Variants in IRX4 observed in about 807,000 individuals in gnomAD.
IRX4 encodes the protein iroquois-class homeodomain protein IRX-4.
Under a neutral mutation model 32.0 loss-of-function variants are expected in IRX4, and 22 were observed. That is an observed-to-expected ratio of 0.69 (90% CI 0.49 to 0.98). IRX4 has a LOEUF of 0.98. Ranked by LOEUF, IRX4 falls within the 50% of genes least tolerant of loss-of-function variation. The probability of loss-of-function intolerance (pLI) is 0.00; values close to 1 mark genes in which losing one functional copy is unlikely to be tolerated. For missense variants in IRX4, 840 were observed against 744.2 expected, an observed-to-expected ratio of 1.13 and a Z score of -1.50; for synonymous variants, 379 against 351.7, an observed-to-expected ratio of 1.08 and a Z score of -0.87.
In IRX4 at chr5:1,878,232, T is replaced by C. The variant is rs1327344702; in HGVS notation, c.1297A>G (p.Thr433Ala). The C allele has an allele frequency of 1.2e-6, 2 of 1,605,634 alleles. No individual in the cohort carries two copies. Among genetic ancestry groups the C allele is most frequent in the Non-Finnish European group, 1.7e-6 (2 of 1,177,030 alleles). The change falls in exon 5 of 5, where the codon ACC (threonine) becomes GCC (alanine). Residue 433 changes from threonine to alanine, a missense_variant. By Grantham distance (58) the Thr-to-Ala change is moderately conservative. Coordinates refer to ENST00000231357, the MANE Select transcript of IRX4 (RefSeq NM_016358.3). ...ALDRHQDSPVTSLRNWVDGVF... is the reference protein window; with the variant it reads ...ALDRHQDSPVASLRNWVDGVF... Reference sequence around the variant, plus strand: ...CCGTCCACCCAGTTTCTGAGACTGGTTACCGGGGAGTCCTGGTGCCTGTCC... The same window carrying C: ...CCGTCCACCCAGTTTCTGAGACTGGCTACCGGGGAGTCCTGGTGCCTGTCC...
rs1257719400 is a variant in IRX4, at chr5:1,880,710, G to C, written c.407+15C>G. Reference sequence around the variant, plus strand: ...CCCGTGGGGCTAGTGCTGGTTAGGAGGGGTGGGTCCTCACCTGTCATAGGG... The same window carrying C: ...CCCGTGGGGCTAGTGCTGGTTAGGACGGGTGGGTCCTCACCTGTCATAGGG... On this transcript the variant is annotated intron_variant, in intron 3 of 4. Coordinates refer to ENST00000231357, the MANE Select transcript of IRX4 (RefSeq NM_016358.3). 10 of 1,568,274 alleles carry C rather than the reference G, an allele frequency of 6.4e-6. No individual in the cohort carries two copies. Among genetic ancestry groups the C allele is most frequent in the Admixed American group, 3.3e-5 (2 of 59,936 alleles).
At chr5:1,878,855 C>A (rs1402628143) in intron 4 of IRX4, 63 bp from the exon 5 acceptor site, 1 of 1,538,454 alleles carries the variant, frequency 6.5e-7, no homozygotes, top group Non-Finnish European at 9.0e-7. Flanking sequence ...GACCCCCTGT[C>A]CCCGTCCACC....
chr5:1,880,131 TAGC>T, intron 3 of IRX4: 2 of 1,535,608 alleles, frequency 1.3e-6, no homozygotes, highest in South Asian at 2.4e-5. Flanking sequence ...GATGACCGCC[TAGC>T]CGTTTGATCC....
At chr5:1,880,682 G>A (rs1461645058) in intron 3 of IRX4, 43 bp downstream of exon 3, 3 of 1,335,246 alleles carry the variant, frequency 2.2e-6, no homozygotes, top group South Asian at 1.2e-5. Flanking sequence ...ACAGTGCAGA[G>A]GGCCCGTGGG....
rs934884635 is a variant in IRX4 at position 1,877,832 on chromosome 5, C to T, written c.*137G>A. Reference sequence around the variant, plus strand: ...GGGCTTGTCCATGTTCCCAGGAGTCCAAGTTCAGAAGCCCCCTCTCCGGTG... The same window carrying T: ...GGGCTTGTCCATGTTCCCAGGAGTCTAAGTTCAGAAGCCCCCTCTCCGGTG... On this transcript the variant is annotated 3_prime_UTR_variant, in exon 5 of 5. Coordinates refer to ENST00000231357, the MANE Select transcript of IRX4 (RefSeq NM_016358.3). 30 of 809,878 alleles carry T rather than the reference C, an allele frequency of 3.7e-5. No homozygotes were observed. Among genetic ancestry groups the T allele is most frequent in the Non-Finnish European group, 5.0e-5 (27 of 535,840 alleles). The allele number at this position is 809,878 out of a possible 1,614,324, so 50.2% of individuals were successfully genotyped here.
upstream of IRX4, among the ~76,000 whole-genome samples, chr5:1,883,747 T>C (rs1183229295): frequency 6.6e-6 from 1 of 152,094 alleles, no homozygotes; most frequent in Non-Finnish European, 1.5e-5. Context: ...TCCCCGACTT[T>C]CCTCCCCGAT....
In IRX4 at chr5:1,877,861, T is replaced by A. The variant is rs1356348925; in HGVS notation, c.*108A>T. 2.9e-6 allele frequency: 3 copies of A among 1,045,436 alleles called. No homozygotes were observed. The East Asian group carries it at 8.7e-5, about 30-fold the overall frequency. The allele number at this position is 1,045,436 out of a possible 1,614,324, so 64.8% of individuals were successfully genotyped here. ...TTCAGAAGCCCCCTCTCCGGTGGGT[T>A]GGCGGCTTCGCGGTGGCCGCGCTAG... On this transcript the variant is annotated 3_prime_UTR_variant, in exon 5 of 5. Coordinates refer to ENST00000231357, the MANE Select transcript of IRX4 (RefSeq NM_016358.3).
chr5:1,885,354 G>A (rs1021385356), upstream of IRX4, among the ~76,000 whole-genome samples: 9 of 152,262 alleles, frequency 5.9e-5, no homozygotes, highest in Admixed American at 6.5e-5. Flanking sequence ...GACCACCACC[G>A]CCACCTTCTC....
chr5:1,885,514 G>C (rs2111460121), upstream of IRX4, among the ~76,000 whole-genome samples: 1 of 152,222 alleles, frequency 6.6e-6, no homozygotes, highest in East Asian at 1.9e-4. Flanking sequence ...CTGCCCGCCA[G>C]CAGGCCCCAG....
In IRX4 at chr5:1,879,539, GCCTCCTCCTCGCCCCCCT is replaced by G. The variant is rs767756829; in HGVS notation, c.683_700del (p.Glu228_Glu233del). 27 of 1,613,432 alleles carry G rather than the reference GCCTCCTCCTCGCCCCCCT, an allele frequency of 1.7e-5. No homozygotes were observed. Among genetic ancestry groups the G allele is most frequent in the South Asian group, 2.2e-5 (2 of 91,084 alleles). On this transcript the variant is annotated inframe_deletion, in exon 4 of 5. Coordinates refer to ENST00000231357, the MANE Select transcript of IRX4 (RefSeq NM_016358.3). The stretch of plus-strand genomic sequence containing the variant: ...GGAGCTCTTGAGGGGCTCCTCCCGC[GCCTCCTCCTCGCCCCCCT>G]CCTCCTCCTCGCCCTCCGCGTAGGG...
rs1349059382 is a variant in IRX4 at position 1,882,662 on chromosome 5, G to A, written c.-15C>T. 3 of 1,381,746 alleles carry A rather than the reference G, an allele frequency of 2.2e-6. No homozygotes were observed. Among genetic ancestry groups the A allele is most frequent in the Non-Finnish European group, 2.8e-6 (3 of 1,066,528 alleles). 85.6% of individuals were successfully genotyped at this position (1,381,746 alleles called of 1,614,324 possible). A position where few individuals can be genotyped will look rare whatever the true frequency, so the allele number is the denominator to read the frequency against. ...GGGTAGGACATGGCGGGCGCGGCCCGGGGCGGACGGGCGGGGCCTGCAGGG... is the reference window on the plus strand; with the variant it reads ...GGGTAGGACATGGCGGGCGCGGCCCAGGGCGGACGGGCGGGGCCTGCAGGG... On this transcript the variant is annotated 5_prime_UTR_variant, in exon 1 of 5. Coordinates refer to ENST00000231357, the MANE Select transcript of IRX4 (RefSeq NM_016358.3).
chr5:1,886,860 A>G (rs376446807), upstream of IRX4: 3 of 151,522 alleles, frequency 2.0e-5, no homozygotes, highest in Non-Finnish European at 4.4e-5. Context: ...CCCACTCCCT[A>G]CCTGAGCTGG....
upstream of IRX4, among the ~76,000 whole-genome samples, chr5:1,886,440 C>G (rs1435185076): frequency 6.6e-6 from 1 of 152,244 alleles, no homozygotes; most frequent in Non-Finnish European, 1.5e-5. Flanking sequence ...AGAGGCCTCA[C>G]GGTCGCTGAC....
rs529979691 is a variant in IRX4 at position 1,878,735 on chromosome 5, G to A, written c.794C>T (p.Pro265Leu). 8.1e-6 allele frequency: 13 copies of A among 1,613,040 alleles called. No individual in the cohort carries two copies. The highest frequency in any genetic ancestry group is 7.7e-5 in the South Asian group (7 of 91,078). Residue 265 changes from proline to leucine, a missense_variant, in exon 5 of 5, where the codon CCG becomes CTG. Around this residue, in one of 3 missense-constraint regions of IRX4, gnomAD observed 585 missense variants for 488.0 expected, o/e 1.20. Coordinates refer to ENST00000231357, the MANE Select transcript of IRX4 (RefSeq NM_016358.3). Reference sequence around the variant, plus strand: ...GCACGCCGGCGGCTCTGCTTCCAGCGGGTCGAAGTCGTCCAAGTCACTAAG... The same window carrying A: ...GCACGCCGGCGGCTCTGCTTCCAGCAGGTCGAAGTCGTCCAAGTCACTAAG... ...LELSDLDDFD[P>L]LEAEPPACEL...
chr5:1,885,061 G>A (rs116333777), upstream of IRX4, among the ~76,000 whole-genome samples: 2,483 of 152,270 alleles, frequency 0.016, 71 homozygotes, highest in African/African-American at 0.055. Context: ...ACCTATACTC[G>A]GGGACCTGGC....
chr5:1,882,163 C>T, intron 1 of IRX4, 104 bp from the exon 2 acceptor site: 1 of 1,355,802 alleles, frequency 7.4e-7, no homozygotes, highest in Non-Finnish European at 9.8e-7. Context: ...CCCCGAGTAC[C>T]CCCGGGCCTC....
At chr5:1,879,307 G>A (rs951140322) in intron 4 of IRX4, among the ~76,000 whole-genome samples, 197 bp downstream of exon 4, 5 of 152,206 alleles carry the variant, frequency 3.3e-5, no homozygotes, top group African/African-American at 4.8e-5. Flanking sequence ...TTTTATACGT[G>A]ATTTGAGTTC....
At chr5:1,882,159 G>A in intron 1 of IRX4, 100 bp from the exon 2 acceptor site, 1 of 1,397,408 alleles carries the variant, frequency 7.2e-7, no homozygotes, top group Non-Finnish European at 9.4e-7. Flanking sequence ...CGTGCCCCGA[G>A]TACCCCCGGG....
chr5:1,878,312 A>G lies in IRX4; in HGVS notation c.1217T>C (p.Val406Ala), dbSNP rs992511321. 1 of 1,572,000 alleles carries G rather than the reference A, an allele frequency of 6.4e-7. No homozygotes were observed. The highest frequency in any genetic ancestry group is 1.3e-5 in the African/African-American group (1 of 74,222). Residue 406 changes from valine (V) to alanine (A), a missense_variant, in exon 5 of 5, where the codon GTG becomes GCG. Around this residue, in one of 3 missense-constraint regions of IRX4, gnomAD observed 585 missense variants for 488.0 expected, o/e 1.20. Transcript: ENST00000231357. ...CGGGGACGTGGCGGGCGCGGAGGAC[A>G]CAGCCGCAGGGGCCGCGGGACCTTG... ...KRQGPAAPAA[V>A]SSAPATSPSV...
Sources: allele counts gnomAD v4.1 joint callset (sites outside exome capture counted in the v4.1 genomes callset), GRCh38; gene constraint gnomAD v4.1.1; regional missense constraint gnomAD v4.1.1; transcripts MANE v1.5; gene names NCBI Gene and HGNC (gene_info 2026-07-23, HGNC 2026-07-21).